Variants in EDIL3 observed in about 807,000 individuals in gnomAD.
EDIL3 encodes EGF like and discoidin domains 3.
EDIL3 carries 37 observed loss-of-function variants against 67.4 expected under a neutral mutation model. That is an observed-to-expected ratio of 0.55 (90% CI 0.42 to 0.72). The LOEUF (loss-of-function observed/expected upper bound fraction) is 0.72. Among genes scored for constraint, EDIL3 ranks in the 30% least tolerant of loss-of-function variants. The pLI, the probability that EDIL3 is intolerant of heterozygous loss-of-function variation, is 0.00. For missense variants in EDIL3, 527 were observed against 586.3 expected, an observed-to-expected ratio of 0.90 and a Z score of 1.04; for synonymous variants, 195 against 196.3, an observed-to-expected ratio of 0.99 and a Z score of 0.05.
At chr5:84,060,956 C>T (rs992776112) in intron 8 of EDIL3, among the ~76,000 whole-genome samples, 11 of 152,118 alleles carry the variant, frequency 7.2e-5, no homozygotes, top group African/African-American at 2.7e-4. Context: ...TCACAAGCTG[C>T]TCTACTGCTG....
chr5:84,269,997 T>C (rs1745430011), intron 1 of EDIL3, among the ~76,000 whole-genome samples: 2 of 152,170 alleles, frequency 1.3e-5, no homozygotes, highest in Admixed American at 1.3e-4. Flanking sequence ...TGCTCTATGA[T>C]CTCTCTCTAA....
At chr5:84,306,317 T>C (rs747005422) in intron 1 of EDIL3, among the ~76,000 whole-genome samples, 1 of 152,174 alleles carries the variant, frequency 6.6e-6, no homozygotes, top group Non-Finnish European at 1.5e-5. Context: ...TCCTTTAAAG[T>C]CATAACATTT....
chr5:84,279,742 C>T (rs1378424973), intron 1 of EDIL3, among the ~76,000 whole-genome samples: 1 of 152,162 alleles, frequency 6.6e-6, no homozygotes, highest in Admixed American at 6.5e-5. Context: ...GCAGAAGCTT[C>T]GATAAGATAT....
intron 9 of EDIL3, among the ~76,000 whole-genome samples, chr5:84,058,801 TATC>T (rs1746492650): frequency 6.6e-6 from 1 of 152,170 alleles, no homozygotes; most frequent in South Asian, 2.1e-4. Context: ...CATCACTACT[TATC>T]ATGTTATATG....
chr5:83,972,315 T>G (rs1457090831), intron 9 of EDIL3, among the ~76,000 whole-genome samples: 1 of 152,108 alleles, frequency 6.6e-6, no homozygotes. Flanking sequence ...ACTGAGCCTC[T>G]AGCCTGCTGT....
intron 10 of EDIL3, among the ~76,000 whole-genome samples, chr5:83,952,299 T>G (rs1744436417): frequency 6.6e-6 from 1 of 151,806 alleles, no homozygotes; most frequent in Non-Finnish European, 1.5e-5. Flanking sequence ...CACCACCATA[T>G]TTAACTTCTT....
intron 6 of EDIL3, among the ~76,000 whole-genome samples, chr5:84,071,871 G>T (rs73134280): frequency 0.056 from 8,594 of 152,154 alleles, 814 homozygotes; most frequent in African/African-American, 0.2. Flanking sequence ...CATGGAGACA[G>T]ATGAATAGAA....
chr5:84,054,240 C>T (rs1746400134), intron 9 of EDIL3, among the ~76,000 whole-genome samples: 1 of 152,148 alleles, frequency 6.6e-6, no homozygotes, highest in Admixed American at 6.5e-5. Context: ...CAGAAAAGGC[C>T]TTTGACAAAT....
intron 4 of EDIL3, among the ~76,000 whole-genome samples, chr5:84,164,398 G>A (rs1748668447): frequency 6.6e-6 from 1 of 151,908 alleles, no homozygotes; most frequent in Non-Finnish European, 1.5e-5. Context: ...AAAATATACT[G>A]GTAAAATATG....
intron 4 of EDIL3, among the ~76,000 whole-genome samples, chr5:84,155,534 C>T (rs747801407): frequency 3.9e-5 from 6 of 152,122 alleles, no homozygotes; most frequent in Non-Finnish European, 8.8e-5. Flanking sequence ...TTCGTTACTC[C>T]ATTCCTGTGT....
rs1240576320 is a variant in EDIL3 at position 84,011,143 on chromosome 5, C to A, written c.1138-47783G>T. The stretch of plus-strand genomic sequence containing the variant: ...CATTGCCTTCTGTTTCCATATCCTT[C>A]TCTGTTAATGACATTTCACATTATC... On this transcript the variant is annotated intron_variant, in intron 9 of 10. Transcript: ENST00000296591. 5.9e-5 allele frequency among the ~76,000 whole-genome samples: 9 copies of A among 152,290 alleles called. 1 individual carries two copies. Among genetic ancestry groups the A allele is most frequent in the Admixed American group, 5.9e-4 (9 of 15,282 alleles).
At chr5:84,117,696 T>G (rs933161559) in intron 5 of EDIL3, among the ~76,000 whole-genome samples, 1 of 152,036 alleles carries the variant, frequency 6.6e-6, no homozygotes, top group Non-Finnish European at 1.5e-5. Context: ...TACCTTAAGC[T>G]TTTAAAGAAA....
intron 1 of EDIL3, among the ~76,000 whole-genome samples, chr5:84,281,375 C>T (rs1745699081): frequency 6.6e-6 from 1 of 152,178 alleles, no homozygotes; most frequent in Non-Finnish European, 1.5e-5. Context: ...TATTCATTTA[C>T]CTTTTGAATG....
rs189525552 is a variant in EDIL3, at chr5:84,050,155, G to A, written c.1137+10145C>T. ...GGAGCTTGCAGTGAGTCGAGATGGCGCCACTGCACTCCAGCCTGGGCGACA... is the reference window on the plus strand; with the variant it reads ...GGAGCTTGCAGTGAGTCGAGATGGCACCACTGCACTCCAGCCTGGGCGACA... On this transcript the variant is annotated intron_variant, in intron 9 of 10. Coordinates refer to ENST00000296591, the MANE Select transcript of EDIL3 (RefSeq NM_005711.5). Among the ~76,000 whole-genome samples, 955 of 133,472 alleles carry A rather than the reference G, an allele frequency of 7.2e-3. 8 individuals carry two copies. The highest frequency in any genetic ancestry group is 0.011 in the Middle Eastern group (2 of 184). The allele number at this position is 133,472 out of a possible 152,430, so 87.6% of individuals were successfully genotyped here.
intron 9 of EDIL3, among the ~76,000 whole-genome samples, chr5:84,042,124 T>G (rs34732367): frequency 6.6e-6 from 1 of 151,898 alleles, no homozygotes; most frequent in African/African-American, 2.4e-5. Context: ...TTGTTCCATA[T>G]TTTATTTTAA....
intron 9 of EDIL3, among the ~76,000 whole-genome samples, chr5:83,968,362 A>T (rs1744732664): frequency 6.6e-6 from 1 of 152,076 alleles, no homozygotes; most frequent in African/African-American, 2.4e-5. Flanking sequence ...TTACTAAAAA[A>T]ATTTTAATTT....
At chr5:84,135,546 C>G (rs1748075565) in intron 5 of EDIL3, among the ~76,000 whole-genome samples, 1 of 152,180 alleles carries the variant, frequency 6.6e-6, no homozygotes. Context: ...GTTGACTGAG[C>G]AGCCATCTTC....
intron 4 of EDIL3, among the ~76,000 whole-genome samples, chr5:84,140,080 A>G (rs1748162389): frequency 1.3e-5 from 2 of 152,270 alleles, no homozygotes; most frequent in South Asian, 4.1e-4. Flanking sequence ...GAGAAGGATT[A>G]AAGGGTATTT....
intron 6 of EDIL3, among the ~76,000 whole-genome samples, chr5:84,096,722 T>G (rs1318730699): frequency 1.3e-5 from 2 of 152,148 alleles, no homozygotes; most frequent in Non-Finnish European, 2.9e-5. Flanking sequence ...TGTGAAGACA[T>G]GAGATTTTGG....
Sources: gnomAD v4.1 joint callset for allele counts (sites outside exome capture counted in the v4.1 genomes callset) on GRCh38, gnomAD v4.1.1 for gene constraint, MANE v1.5 for transcripts, NCBI Gene and HGNC (gene_info 2026-07-23, HGNC 2026-07-21) for gene names.